LAMA3: variants seen among roughly 807,000 people sequenced by gnomAD.
The protein encoded by LAMA3 is laminin subunit alpha-3.
In LAMA3, 281 loss-of-function variants were observed where a neutral mutation model predicts 402.0. The ratio of observed to expected loss-of-function variants is 0.70; its 90% confidence interval spans 0.63 to 0.77. The LOEUF (loss-of-function observed/expected upper bound fraction) is 0.77, where lower values mean the gene tolerates loss of function less well. Among genes scored for constraint, LAMA3 ranks in the 30% least tolerant of loss-of-function variants. The pLI is 0.00. For missense variants in LAMA3, 3,840 were observed against 4,215.5 expected, an observed-to-expected ratio of 0.91 and a Z score of 2.47; for synonymous variants, 1,431 against 1,558.4, an observed-to-expected ratio of 0.92 and a Z score of 1.93.
chr18:23,923,828 A>G (rs1401029600), intron 62 of LAMA3, among the ~76,000 whole-genome samples: 1 of 152,212 alleles, frequency 6.6e-6, no homozygotes, highest in Non-Finnish European at 1.5e-5. Flanking sequence ...GCCCCTAGAC[A>G]GTGATGTGGA....
chr18:23,786,591 T>C (rs907513234), intron 12 of LAMA3, among the ~76,000 whole-genome samples: 2 of 152,146 alleles, frequency 1.3e-5, no homozygotes, highest in Non-Finnish European at 2.9e-5. Context: ...TTGTAGAGCA[T>C]AGCAGAATTT....
intron 55 of LAMA3, among the ~76,000 whole-genome samples, chr18:23,909,780 T>A (rs2081371560): frequency 6.6e-6 from 1 of 152,246 alleles, no homozygotes; most frequent in Non-Finnish European, 1.5e-5. Context: ...ATTATTTGCT[T>A]GAATTACTGA....
intron 11 of LAMA3, chr18:23,781,142 A>G: frequency 3.2e-6 from 1 of 314,686 alleles, no homozygotes; most frequent in South Asian, 2.5e-5. Flanking sequence ...CTCAATGCCA[A>G]GGTAAAGTCC....
At chr18:23,908,965 C>G (rs2081347232) in intron 54 of LAMA3, among the ~76,000 whole-genome samples, 188 bp from the exon 55 acceptor site, 1 of 152,138 alleles carries the variant, frequency 6.6e-6, no homozygotes, top group South Asian at 2.1e-4. Context: ...TGGTTGATAG[C>G]AAGTACTTGA....
chr18:23,878,986 C>A (rs562179990), intron 39 of LAMA3, among the ~76,000 whole-genome samples: 3 of 152,018 alleles, frequency 2.0e-5, no homozygotes, highest in Admixed American at 6.5e-5. Flanking sequence ...TCCTCTCCCC[C>A]CAATTCCCCT....
chr18:23,928,527 CATT>C (rs2082073731), intron 63 of LAMA3, 95 bp from the exon 64 acceptor site: 2 of 1,174,130 alleles, frequency 1.7e-6, no homozygotes, highest in Non-Finnish European at 2.6e-6. Flanking sequence ...ACATAAATCA[CATT>C]AATCAGTTTG....
chr18:23,808,201 C>A (rs1325691498), intron 12 of LAMA3, among the ~76,000 whole-genome samples: 4 of 151,998 alleles, frequency 2.6e-5, no homozygotes, highest in African/African-American at 9.7e-5. Flanking sequence ...CCATGGGCAC[C>A]AAAAGGCAAG....
intron 21 of LAMA3, 22 bp from the exon 22 acceptor site, chr18:23,826,680 C>T: frequency 6.8e-7 from 1 of 1,478,724 alleles, no homozygotes; most frequent in African/African-American, 1.4e-5. Flanking sequence ...GAATGATTCT[C>T]CTTTTGGTCT....
intron 12 of LAMA3, among the ~76,000 whole-genome samples, chr18:23,807,684 C>G (rs1408276766): frequency 6.6e-6 from 1 of 152,136 alleles, no homozygotes; most frequent in Non-Finnish European, 1.5e-5. Context: ...GGACATCTGT[C>G]TTTTTCTCTT....
Position 23,907,606 on chromosome 18 carries a change from A to C in LAMA3, c.6775A>C (p.Lys2259Gln), listed in dbSNP as rs1460281794. The change falls in exon 53 of 75, where the codon AAA becomes CAA. Residue 2259 changes from lysine (K) to glutamine (Q), a missense_variant. Physicochemically the swap from Lys to Gln is moderately conservative, Grantham distance 53. Around this residue, in one of 3 missense-constraint regions of LAMA3, gnomAD observed 891 missense variants for 857.5 expected, o/e 1.04. Coordinates refer to ENST00000313654, the MANE Select transcript of LAMA3 (RefSeq NM_198129.4). ...AACCCTGAATATTGTGACAGTTCAG[A>C]AAGAAGTGATAGACACCAATCTCAC... Reference protein sequence around the residue: ...QQTLNIVTVQKEVIDTNLTTL... With the variant: ...QQTLNIVTVQQEVIDTNLTTL... 1 of 1,614,184 alleles carries C rather than the reference A, an allele frequency of 6.2e-7. No individual in the cohort carries two copies. The highest frequency in any genetic ancestry group is 8.5e-7 in the Non-Finnish European group (1 of 1,179,990).
At chr18:23,940,477 C>A (rs1418151511) in intron 68 of LAMA3, among the ~76,000 whole-genome samples, 1 of 152,204 alleles carries the variant, frequency 6.6e-6, no homozygotes, top group Non-Finnish European at 1.5e-5. Flanking sequence ...TGCCGTTTAA[C>A]TTCTCTAAGC....
intron 11 of LAMA3, 33 bp from the exon 12 acceptor site, chr18:23,783,990 A>T (rs778459665): frequency 6.2e-7 from 1 of 1,613,536 alleles, no homozygotes; most frequent in Admixed American, 1.7e-5. Context: ...TGGAAGATGG[A>T]GACCCCTTCT....
In LAMA3 at chr18:23,820,007, C is replaced by A. The variant is rs750366919; in HGVS notation, c.2304+10C>A. 4.3e-6 allele frequency: 7 copies of A among 1,613,860 alleles called. No homozygotes were observed. The South Asian group carries it at 6.6e-5, about 15-fold the overall frequency. ...AATGACCTCAGTACAGGTACGCAAC[C>A]CGAAGAGAGCAGCTTCATGGCTGAG... is the stretch of plus-strand genomic sequence containing the variant. On this transcript the variant is annotated intron_variant, in intron 19 of 74. Transcript: ENST00000313654.
At chr18:23,729,171 G>C (rs1217194057) in intron 2 of LAMA3, among the ~76,000 whole-genome samples, 4 of 151,832 alleles carry the variant, frequency 2.6e-5, no homozygotes, top group African/African-American at 9.7e-5. Context: ...TGTAGAGAGA[G>C]AGAGAGACAG....
intron 47 of LAMA3, 60 bp from the exon 48 acceptor site, chr18:23,901,067 T>C: frequency 6.9e-7 from 1 of 1,453,982 alleles, no homozygotes; most frequent in Non-Finnish European, 9.6e-7. Flanking sequence ...TTGTAGTTTT[T>C]ATAACCCAGC....
intron 1 of LAMA3, among the ~76,000 whole-genome samples, chr18:23,712,551 A>G (rs772063744): frequency 6.6e-6 from 1 of 150,960 alleles, no homozygotes; most frequent in Non-Finnish European, 1.5e-5. Flanking sequence ...CAGGAAACAT[A>G]TGGCCTCCGA....
At position 23,749,862 on chromosome 18, in the gene LAMA3, C is replaced by G. The variant is rs1255847377; in HGVS notation, c.684+316C>G. 5.9e-5 allele frequency among the ~76,000 whole-genome samples: 9 copies of G among 152,256 alleles called. No homozygotes were observed. In the East Asian group the frequency reaches 1.7e-3, roughly 29 times the overall value. Reference sequence around the variant, plus strand: ...GGTAACTGAAATGATGACCCCTTACCTCTTCACCTATGATCCCATGATACC... The same window carrying G: ...GGTAACTGAAATGATGACCCCTTACGTCTTCACCTATGATCCCATGATACC... On this transcript the variant is annotated intron_variant, in intron 4 of 74. Coordinates refer to ENST00000313654, the MANE Select transcript of LAMA3 (RefSeq NM_198129.4).
intron 69 of LAMA3, among the ~76,000 whole-genome samples, chr18:23,945,344 C>T (rs1266242210): frequency 6.6e-6 from 1 of 152,018 alleles, no homozygotes; most frequent in Non-Finnish European, 1.5e-5. Flanking sequence ...GCTGATGGAT[C>T]ACATATAGAG....
At chr18:23,771,373 A>T in intron 8 of LAMA3, among the ~76,000 whole-genome samples, 1 of 152,268 alleles carries the variant, frequency 6.6e-6, no homozygotes, top group South Asian at 2.1e-4. Context: ...TCCATAGTGG[A>T]GAAAGTCAGA....
Sources: allele counts gnomAD v4.1 joint callset (sites outside exome capture counted in the v4.1 genomes callset), GRCh38; gene constraint gnomAD v4.1.1; regional missense constraint gnomAD v4.1.1; transcripts MANE v1.5; gene names NCBI Gene and HGNC (gene_info 2026-07-23, HGNC 2026-07-21).